PDZD2: variants seen among roughly 807,000 people sequenced by gnomAD.
PDZD2 encodes the protein PDZ domain containing 2.
Under a neutral mutation model 220.7 loss-of-function variants are expected in PDZD2, and 90 were observed. The ratio of observed to expected loss-of-function variants is 0.41; its 90% CI spans 0.34 to 0.49. PDZD2 has a LOEUF of 0.49. Among genes scored for constraint, PDZD2 ranks in the 20% least tolerant of loss-of-function variants. The pLI is 0.28. For missense variants in PDZD2, 3,174 were observed against 3,608.5 expected (o/e 0.88, Z 3.08); for synonymous variants, 1,375 against 1,450.5 (o/e 0.95, Z 1.18).
intron 5 of PDZD2, among the ~76,000 whole-genome samples, chr5:32,003,234 A>G (rs1752449138): frequency 6.7e-4 from 1 of 1,498 alleles, no homozygotes; most frequent in African/African-American, 2.7e-3. Context: ...ACCAACATAT[A>G]CCTTCACACA....
At chr5:31,993,423 T>G (rs1212625103) in intron 3 of PDZD2, among the ~76,000 whole-genome samples, 1 of 152,222 alleles carries the variant, frequency 6.6e-6, no homozygotes, top group Non-Finnish European at 1.5e-5. Context: ...TGTCTGCTAA[T>G]AATTTCCCCA....
chr5:31,691,680 C>A (rs1340135316), intron 1 of PDZD2, among the ~76,000 whole-genome samples: 2 of 152,108 alleles, frequency 1.3e-5, no homozygotes, highest in Non-Finnish European at 2.9e-5. Flanking sequence ...ATTTACAATC[C>A]CTGAGCTAGA....
chr5:31,774,789 A>G (rs1402428938), intron 1 of PDZD2, among the ~76,000 whole-genome samples: 1 of 152,178 alleles, frequency 6.6e-6, no homozygotes, highest in Non-Finnish European at 1.5e-5. Flanking sequence ...TTAGTGTTTT[A>G]ATGTTTTAGC....
chr5:31,742,521 C>T (rs1032787603), intron 1 of PDZD2, among the ~76,000 whole-genome samples: 4 of 149,270 alleles, frequency 2.7e-5, no homozygotes, highest in African/African-American at 1.0e-4. Flanking sequence ...CTCAGCAACC[C>T]CCTCCCCCAA....
Position 32,073,860 on chromosome 5 carries a change from C to T in PDZD2, c.2754C>T (p.Ala918=), listed in dbSNP as rs754405158. Residue 918 remains alanine (A), a synonymous_variant, in exon 18 of 25, where the codon GCC becomes GCT. Coordinates refer to ENST00000438447, the MANE Select transcript of PDZD2 (RefSeq NM_178140.4). ...ACAAGGAGCCTGGAAAACCCAGAGCCAACAGCCTCGTGACTCTTGGGAGCC... is the reference window on the plus strand; with the variant it reads ...ACAAGGAGCCTGGAAAACCCAGAGCTAACAGCCTCGTGACTCTTGGGAGCC... ...STHKEPGKPR[A]NSLVTLGSHR... 1 of 1,612,918 alleles carries T rather than the reference C, an allele frequency of 6.2e-7. No homozygotes were observed. The highest frequency in any genetic ancestry group is 8.5e-7 in the Non-Finnish European group (1 of 1,179,558).
chr5:31,842,374 GA>G (rs1472457644), intron 2 of PDZD2, among the ~76,000 whole-genome samples: 1 of 152,174 alleles, frequency 6.6e-6, no homozygotes, highest in African/African-American at 2.4e-5. Flanking sequence ...GCTGGTAAAG[GA>G]GGGCTGAGAT....
intron 6 of PDZD2, among the ~76,000 whole-genome samples, chr5:32,014,701 A>C (rs4867413): frequency 0.35 from 43,922 of 125,524 alleles, 8,081 homozygotes; most frequent in African/African-American, 0.55. Flanking sequence ...CTGCAATGAC[A>C]ATTTCTTTTT....
chr5:31,782,688 CTTGGAAAGACCACTTTAGATTTTTT>C (rs1277136260), intron 1 of PDZD2, among the ~76,000 whole-genome samples: 1 of 144,556 alleles, frequency 6.9e-6, no homozygotes, highest in Non-Finnish European at 1.5e-5. Context: ...TTCAGGCTGG[CTTGGAAAGACCACTTTAGATTTTTT>C]TTTTTTTTTT....
chr5:32,093,013 G>T lies in PDZD2; in HGVS notation c.7834G>T (p.Ala2612Ser). ...CCTAACTCTCATTCAGGAAGCGAAA[G>T]CACAATCAGAGGTGAGTGAAACACA... ...TILTLIQEAK[A>S]QSENEEDVCF... The change falls in exon 21 of 25, where the codon GCA (alanine) becomes TCA (serine). Residue 2612 changes from alanine to serine, a missense_variant. Coordinates refer to ENST00000438447, the MANE Select transcript of PDZD2 (RefSeq NM_178140.4). 1 of 1,535,256 alleles carries T rather than the reference G, an allele frequency of 6.5e-7. No individual in the cohort carries two copies.
chr5:32,023,657 T>C (rs1032965699), intron 6 of PDZD2, among the ~76,000 whole-genome samples: 2 of 152,224 alleles, frequency 1.3e-5, no homozygotes, highest in African/African-American at 4.8e-5. Context: ...TGTCTCTCTC[T>C]GTCACTTCCT....
intron 2 of PDZD2, among the ~76,000 whole-genome samples, chr5:31,844,281 T>C (rs1452004309): frequency 6.6e-6 from 1 of 152,082 alleles, no homozygotes; most frequent in Non-Finnish European, 1.5e-5. Flanking sequence ...CATGAGAAGA[T>C]AATTATAAAT....
At chr5:31,873,331 G>A (rs1160054574) in intron 2 of PDZD2, among the ~76,000 whole-genome samples, 1 of 151,906 alleles carries the variant, frequency 6.6e-6, no homozygotes, top group Admixed American at 6.6e-5. Flanking sequence ...CTACTCAGGA[G>A]GCTGAGGTAG....
At chr5:31,806,931 GTTT>G (rs397882682) in intron 2 of PDZD2, among the ~76,000 whole-genome samples, 1 of 127,534 alleles carries the variant, frequency 7.8e-6, no homozygotes, top group East Asian at 2.4e-4. Flanking sequence ...GGGCGTCTTT[GTTT>G]TTTTTTTTTT....
At chr5:31,795,878 T>C (rs909211354) in intron 1 of PDZD2, among the ~76,000 whole-genome samples, 1 of 152,200 alleles carries the variant, frequency 6.6e-6, no homozygotes, top group East Asian at 1.9e-4. Context: ...AGGTATGGGA[T>C]TGAAAGGCTG....
chr5:31,974,148 T>G (rs1403092581), intron 2 of PDZD2, among the ~76,000 whole-genome samples: 1 of 152,112 alleles, frequency 6.6e-6, no homozygotes, highest in Non-Finnish European at 1.5e-5. Flanking sequence ...GCCCAGCTAA[T>G]TTTTGTATTT....
intron 1 of PDZD2, among the ~76,000 whole-genome samples, chr5:31,689,353 A>ATATATATATATATATATATATATATTTT: frequency 2.8e-5 from 1 of 35,122 alleles, no homozygotes; most frequent in Non-Finnish European, 4.2e-5. Flanking sequence ...ATATATATAT[A>ATATATATATATATATATATATATATTTT]TTTTTTTTTT....
intron 6 of PDZD2, among the ~76,000 whole-genome samples, chr5:32,020,748 G>T (rs1367661051): frequency 6.6e-6 from 1 of 151,030 alleles, no homozygotes; most frequent in Non-Finnish European, 1.5e-5. Flanking sequence ...AGGTTCAAGC[G>T]ATTCTCCTGC....
intron 2 of PDZD2, among the ~76,000 whole-genome samples, chr5:31,903,492 C>CA (rs972055982): frequency 2.1e-4 from 32 of 150,500 alleles, no homozygotes; most frequent in Admixed American, 1.3e-3. Flanking sequence ...ACTAAAAATA[C>CA]AAAAAATTAG....
At chr5:31,796,060 T>C (rs2150225722) in intron 1 of PDZD2, among the ~76,000 whole-genome samples, 1 of 152,320 alleles carries the variant, frequency 6.6e-6, no homozygotes, top group South Asian at 2.1e-4. Context: ...CCCCACCCTC[T>C]TGGCCAACAG....
Sources: gnomAD v4.1 joint callset for allele counts (sites outside exome capture counted in the v4.1 genomes callset) on GRCh38, gnomAD v4.1.1 for gene constraint, MANE v1.5 for transcripts, NCBI Gene and HGNC (gene_info 2026-07-23, HGNC 2026-07-21) for gene names.